Variants in CDC37L1 observed in about 807,000 individuals in gnomAD.
CDC37L1 encodes the protein cell division cycle 37 like 1, HSP90 cochaperone.
CDC37L1 carries 32 observed loss-of-function variants against 45.9 expected under a neutral mutation model. The observed-to-expected ratio is 0.70, with a 90% CI of 0.53 to 0.94. The LOEUF is 0.94. Ranked by LOEUF, CDC37L1 falls within the 40% of genes least tolerant of loss-of-function variation. The pLI, the probability that CDC37L1 is intolerant of heterozygous loss-of-function variation, is 0.00. For synonymous variants in CDC37L1, 150 were observed against 133.0 expected, an observed-to-expected ratio of 1.13 and a Z score of -0.88; for missense variants, 434 against 405.7, an observed-to-expected ratio of 1.07 and a Z score of -0.60.
chr9:4,682,624 C>G (rs1002215620), intron 1 of CDC37L1, among the ~76,000 whole-genome samples: 1 of 151,982 alleles, frequency 6.6e-6, no homozygotes, highest in South Asian at 2.1e-4. Context: ...CACTCCCGGC[C>G]ATGCCCAGCT....
At chr9:4,700,969 T>G (rs1312612075) in intron 5 of CDC37L1, among the ~76,000 whole-genome samples, 1 of 152,174 alleles carries the variant, frequency 6.6e-6, no homozygotes, top group Admixed American at 6.6e-5. Context: ...CAAGTTCTTA[T>G]AAAGTGAGGT....
At chr9:4,698,594 C>G (rs10122598) in intron 5 of CDC37L1, among the ~76,000 whole-genome samples, 2 of 151,506 alleles carry the variant, frequency 1.3e-5, no homozygotes, top group Admixed American at 1.3e-4. Flanking sequence ...TAAATTGGAA[C>G]AACCACTTTA....
chr9:4,692,237 A>G (rs1192523216), intron 3 of CDC37L1, among the ~76,000 whole-genome samples: 3 of 152,092 alleles, frequency 2.0e-5, no homozygotes, highest in Admixed American at 2.0e-4. Context: ...CTTACATATG[A>G]AGTGAAATGA....
At chr9:4,694,669 G>A (rs1272059415) in intron 3 of CDC37L1, among the ~76,000 whole-genome samples, 6 of 152,012 alleles carry the variant, frequency 3.9e-5, no homozygotes, top group African/African-American at 7.2e-5. Context: ...TTAGGAGTTC[G>A]AGACCAGCCT....
In CDC37L1 at chr9:4,705,590, C is replaced by A. The variant is rs558385156; in HGVS notation, c.913-421C>A. 2.0e-5 allele frequency among the ~76,000 whole-genome samples: 3 copies of A among 152,090 alleles called. No homozygotes were observed. In the South Asian group the frequency reaches 6.2e-4, roughly 32 times the overall value. On this transcript the variant is annotated intron_variant, in intron 6 of 6. Transcript: ENST00000381854. ...ATAATTTTTACCCAGTAAATTTTTT[C>A]TTTATTTAGATGATTTGCAGTTTTA...
rs530963809 is a variant in CDC37L1, at chr9:4,703,594, A to G, written c.912+1566A>G. On this transcript the variant is annotated intron_variant, in intron 6 of 6. Coordinates refer to ENST00000381854, the MANE Select transcript of CDC37L1 (RefSeq NM_017913.4). ...TGACCAAGTCACTGTGAAATCCAAT[A>G]TATAAACCTCCTGCAATTAAAATGT... 2.4e-3 allele frequency among the ~76,000 whole-genome samples: 359 copies of G among 152,308 alleles called. 1 individual carries two copies. The highest frequency in any genetic ancestry group is 8.4e-3 in the African/African-American group (349 of 41,586).
chr9:4,699,125 C>T (rs150617162), intron 5 of CDC37L1, among the ~76,000 whole-genome samples: 107 of 152,154 alleles, frequency 7.0e-4, no homozygotes, highest in African/African-American at 2.2e-3. Context: ...AGAACTGCTG[C>T]GCTAGAGAAA....
chr9:4,685,628 A>G (rs571074961), intron 2 of CDC37L1, among the ~76,000 whole-genome samples: 3 of 152,340 alleles, frequency 2.0e-5, no homozygotes, highest in South Asian at 2.1e-4. Flanking sequence ...AATGTGAGAA[A>G]TTCCTGACTC....
chr9:4,702,642 A>G (rs1203419595), intron 6 of CDC37L1, among the ~76,000 whole-genome samples: 1 of 151,926 alleles, frequency 6.6e-6, no homozygotes, highest in African/African-American at 2.4e-5. Flanking sequence ...AGCACTTTGG[A>G]AGGCCGAGAC....
intron 1 of CDC37L1, 145 bp downstream of exon 1, chr9:4,680,044 A>C (rs906896560): frequency 1.9e-6 from 2 of 1,035,008 alleles, no homozygotes; most frequent in African/African-American, 3.3e-5. Context: ...CTGACGCCTG[A>C]TGCCATCCCA....
chr9:4,680,039 G>A, intron 1 of CDC37L1, 140 bp downstream of exon 1: 1 of 1,093,102 alleles, frequency 9.1e-7, no homozygotes, highest in Non-Finnish European at 1.3e-6. Context: ...GGGACCTGAC[G>A]CCTGATGCCA....
In CDC37L1 at chr9:4,692,147, A is replaced by G. The variant is rs1036905406; in HGVS notation, c.508+3541A>G. On this transcript the variant is annotated intron_variant, in intron 3 of 6. Transcript: ENST00000381854. ...TTTGTTCTGACTATGAATATTTACA[A>G]CCTCTTCAATGTAATTGTTCATTGC... Among the ~76,000 whole-genome samples, 9 of 152,234 alleles carry G rather than the reference A, an allele frequency of 5.9e-5. 1 individual carries two copies. The East Asian group carries it at 1.4e-3, about 23-fold the overall frequency.
At chr9:4,690,567 A>G (rs923863553) in intron 3 of CDC37L1, among the ~76,000 whole-genome samples, 3 of 152,204 alleles carry the variant, frequency 2.0e-5, no homozygotes, top group African/African-American at 7.2e-5. Context: ...TTATGAAACT[A>G]TTGTGCAAAT....
chr9:4,704,404 T>C (rs1841425102), intron 6 of CDC37L1, among the ~76,000 whole-genome samples: 1 of 152,214 alleles, frequency 6.6e-6, no homozygotes. Flanking sequence ...TATGGGACAG[T>C]CAATGAAATC....
chr9:4,700,220 A>G (rs1388259746), intron 5 of CDC37L1, among the ~76,000 whole-genome samples: 2 of 152,146 alleles, frequency 1.3e-5, no homozygotes, highest in Non-Finnish European at 1.5e-5. Context: ...CAGTGGTGCA[A>G]TCATTGCTCA....
rs1841465647 is a variant in CDC37L1 at position 4,708,231 on chromosome 9, T to G, written c.*2119T>G. 1 of 152,198 alleles carries G rather than the reference T, an allele frequency of 6.6e-6. No individual in the cohort carries two copies. Among genetic ancestry groups the G allele is most frequent in the African/African-American group, 2.4e-5 (1 of 41,446 alleles). The allele number at this position is 152,198 out of a possible 1,614,324, so 9.4% of individuals were successfully genotyped here. ...GTTTCTGAAGAAATAAAGAGTATAT[T>G]AAGCAAAGGGATAATTTATATTTCA... On this transcript the variant is annotated 3_prime_UTR_variant, in exon 7 of 7. Transcript: ENST00000381854.
chr9:4,697,505 C>G (rs566240863), intron 4 of CDC37L1, among the ~76,000 whole-genome samples: 1 of 151,826 alleles, frequency 6.6e-6, no homozygotes, highest in Middle Eastern at 3.2e-3. Context: ...ATTTGAAAGT[C>G]GTATTTTAAA....
At chr9:4,686,868 C>T (rs1587616477) in intron 2 of CDC37L1, among the ~76,000 whole-genome samples, 1 of 152,056 alleles carries the variant, frequency 6.6e-6, no homozygotes. Flanking sequence ...AAAATACACA[C>T]CAGATTCCAA....
intron 5 of CDC37L1, among the ~76,000 whole-genome samples, chr9:4,700,294 T>C (rs927891739): frequency 6.6e-6 from 1 of 152,186 alleles, no homozygotes; most frequent in Non-Finnish European, 1.5e-5. Flanking sequence ...TAGCTGGGAC[T>C]ATAGGCACAT....
Sources: gnomAD v4.1 joint callset for allele counts (sites outside exome capture counted in the v4.1 genomes callset) on GRCh38, gnomAD v4.1.1 for gene constraint, MANE v1.5 for transcripts, NCBI Gene and HGNC (gene_info 2026-07-23, HGNC 2026-07-21) for gene names.